The following IRAG1 variants were observed in gnomAD, a reference collection of about 807,000 sequenced individuals.
IRAG1 encodes the protein IP3R-associated cGMP kinase substrate.
IRAG1 carries 62 observed loss-of-function variants against 106.2 expected under a neutral mutation model. The ratio of observed to expected loss-of-function variants is 0.58; its 90% CI spans 0.48 to 0.72. IRAG1 has a LOEUF of 0.72. Ranked by LOEUF, IRAG1 falls within the 30% of genes least tolerant of loss-of-function variation. IRAG1 has a pLI of 0.00. For synonymous variants in IRAG1, 462 were observed against 443.9 expected, an observed-to-expected ratio of 1.04 and a Z score of -0.51; for missense variants, 1,064 against 1,140.7, an observed-to-expected ratio of 0.93 and a Z score of 0.97.
intron 18 of IRAG1, chr11:10,585,896 G>A (rs1004998069): frequency 2.6e-5 from 4 of 152,038 alleles, no homozygotes; most frequent in African/African-American, 9.7e-5. Flanking sequence ...AGCCCTCCAT[G>A]AACCCCCGCT....
intron 2 of IRAG1, among the ~76,000 whole-genome samples, chr11:10,650,204 T>C (rs1564928338): frequency 6.6e-6 from 1 of 152,214 alleles, no homozygotes; most frequent in Non-Finnish European, 1.5e-5. Flanking sequence ...CTTGGCAGTC[T>C]TGTGGGTGGG....
intron 10 of IRAG1, among the ~76,000 whole-genome samples, chr11:10,611,929 A>G (rs1255221572): frequency 1.4e-5 from 2 of 143,216 alleles, no homozygotes; most frequent in South Asian, 2.2e-4. Context: ...GCTGCCTGCC[A>G]TTTTGCTTTT....
At chr11:10,623,954 T>C (rs555117673) in intron 9 of IRAG1, 98 bp from the exon 10 acceptor site, 1 of 1,172,878 alleles carries the variant, frequency 8.5e-7, no homozygotes, top group African/African-American at 1.5e-5. Context: ...CTATCTTAGG[T>C]GGGAAAGCGG....
chr11:10,608,701 T>C (rs569278977), intron 11 of IRAG1, among the ~76,000 whole-genome samples: 1 of 152,360 alleles, frequency 6.6e-6, no homozygotes, highest in South Asian at 2.1e-4. Flanking sequence ...ATTTATCTTT[T>C]TATTGAGTGT....
chr11:10,599,413 C>A (rs973362308), intron 15 of IRAG1, among the ~76,000 whole-genome samples: 3 of 152,126 alleles, frequency 2.0e-5, no homozygotes, highest in African/African-American at 7.2e-5. Flanking sequence ...TGCAGGAGTC[C>A]ACGCATTAGG....
intron 1 of IRAG1, among the ~76,000 whole-genome samples, chr11:10,680,376 G>GGAA (rs1861098930): frequency 2.0e-5 from 1 of 51,222 alleles, no homozygotes; most frequent in Non-Finnish European, 3.5e-5. Flanking sequence ...AAAGAAGGAA[G>GGAA]GAAGGAAGGA....
At chr11:10,653,766 C>A in intron 1 of IRAG1, among the ~76,000 whole-genome samples, 1 of 152,194 alleles carries the variant, frequency 6.6e-6, no homozygotes, top group East Asian at 1.9e-4. Context: ...GCACGGGGGT[C>A]TGCAGCCCAG....
chr11:10,681,314 G>A (rs920317990), intron 1 of IRAG1, among the ~76,000 whole-genome samples: 13 of 152,178 alleles, frequency 8.5e-5, no homozygotes, highest in African/African-American at 2.2e-4. Context: ...AATGTCTAAC[G>A]CATGAGTCAA....
Position 10,693,394 on chromosome 11 carries a change from A to AT in IRAG1, c.67+141dup. On this transcript the variant is annotated intron_variant, in intron 1 of 20. Coordinates refer to ENST00000423302, the MANE Select transcript of IRAG1 (RefSeq NM_130385.4). ...GCAACAATAAAGATACTCAGCTGAAATGCCACCCAACAAAGCCAGCTCCCC... is the reference window on the plus strand; with the variant it reads ...GCAACAATAAAGATACTCAGCTGAAATTGCCACCCAACAAAGCCAGCTCCCC... 3.5e-6 allele frequency: 5 copies of AT among 1,421,386 alleles called. No individual in the cohort carries two copies. In the South Asian group the frequency reaches 7.5e-5, roughly 21 times the overall value. The allele number at this position is 1,421,386 out of a possible 1,614,324, so 88.0% of individuals were successfully genotyped here.
intron 20 of IRAG1, among the ~76,000 whole-genome samples, chr11:10,579,792 C>A (rs564184321): frequency 2.6e-5 from 4 of 152,294 alleles, no homozygotes; most frequent in African/African-American, 9.6e-5. Context: ...AGGCAGGAAC[C>A]ACAAGTGGGA....
chr11:10,687,684 T>C (rs1861762336), intron 1 of IRAG1: 1 of 1,287,054 alleles, frequency 7.8e-7, no homozygotes, highest in South Asian at 1.2e-5. Context: ...AGTCCACCAC[T>C]CTCCTTGCGG....
At chr11:10,648,489 C>T (rs758862267) in intron 2 of IRAG1, among the ~76,000 whole-genome samples, 1 of 152,178 alleles carries the variant, frequency 6.6e-6, no homozygotes, top group African/African-American at 2.4e-5. Context: ...GTGGGGCTCA[C>T]GTTATAGAGA....
intron 19 of IRAG1, among the ~76,000 whole-genome samples, chr11:10,580,917 C>T (rs1851323486): frequency 6.6e-6 from 1 of 152,206 alleles, no homozygotes; most frequent in Admixed American, 6.5e-5. Flanking sequence ...CTCCATGTGA[C>T]CGTGGAGCTT....
At chr11:10,604,628 G>T in intron 12 of IRAG1, 83 bp from the exon 13 acceptor site, 2 of 1,523,584 alleles carry the variant, frequency 1.3e-6, no homozygotes, top group South Asian at 2.3e-5. Flanking sequence ...TTGCACGAGC[G>T]TTTTGCAACG....
At chr11:10,648,772 C>T (rs745328523) in intron 2 of IRAG1, among the ~76,000 whole-genome samples, 14 of 152,050 alleles carry the variant, frequency 9.2e-5, no homozygotes, top group Admixed American at 2.0e-4. Context: ...CTGAAGAGTA[C>T]GTCTGTCTGT....
rs754791721 is a variant in IRAG1 at position 10,603,260 on chromosome 11, G to GA, written c.1744-10dup. On this transcript the variant is annotated splice_polypyrimidine_tract_variant and intron_variant, in intron 13 of 20. Transcript: ENST00000423302. ...CAGAGTGAAGCTGAGGACTGAACAGGAGTAGGAGCATCACCTGGGGTCCTC... is the reference window on the plus strand; with the variant it reads ...CAGAGTGAAGCTGAGGACTGAACAGGAAGTAGGAGCATCACCTGGGGTCCTC... 4 of 1,613,354 alleles carry GA rather than the reference G, an allele frequency of 2.5e-6. No homozygotes were observed. Among genetic ancestry groups the GA allele is most frequent in the Non-Finnish European group, 3.4e-6 (4 of 1,179,728 alleles).
Position 10,647,893 on chromosome 11 carries a change from A to C in IRAG1, c.225+4132T>G, listed in dbSNP as rs1408642116. Among the ~76,000 whole-genome samples, 1 of 152,186 alleles carries C rather than the reference A, an allele frequency of 6.6e-6. No individual in the cohort carries two copies. The highest frequency in any genetic ancestry group is 1.5e-5 in the Non-Finnish European group (1 of 68,044). ...AACTAGAGAAAAAGAGACTCTGAGA[A>C]GACTCAGAACTGCCTTTCTGCATCT... On this transcript the variant is annotated intron_variant, in intron 2 of 20. Coordinates refer to ENST00000423302, the MANE Select transcript of IRAG1 (RefSeq NM_130385.4). This position sits in a 1 kb window ranked among gnomAD's most constrained non-coding sequence, Gnocchi z 4.3.
chr11:10,585,457 C>G (rs1016225062), intron 18 of IRAG1, among the ~76,000 whole-genome samples: 1 of 151,468 alleles, frequency 6.6e-6, no homozygotes, highest in African/African-American at 2.4e-5. Flanking sequence ...ATGAGGAAAC[C>G]AAGGCTCAAA....
chr11:10,591,583 T>C lies in IRAG1; in HGVS notation c.2205A>G (p.Leu735=), dbSNP rs1312054110. The change falls in exon 18 of 21, where the codon CTA becomes CTG. Residue 735 remains leucine, a synonymous_variant. Coordinates refer to ENST00000423302, the MANE Select transcript of IRAG1 (RefSeq NM_130385.4). The part of the protein sequence containing the change: ...LSESPNGKGS[L]PVTSALPALL... ...GTGCAGGCAGTGCTGAAGTGACAGG[T>C]AGGCTGCCTTTCCCATTGGGTGATT... 2 of 1,597,862 alleles carry C rather than the reference T, an allele frequency of 1.3e-6. No homozygotes were observed. The highest frequency in any genetic ancestry group is 2.3e-5 in the South Asian group (2 of 87,756).
Sources: gnomAD v4.1 joint callset for allele counts (sites outside exome capture counted in the v4.1 genomes callset) on GRCh38, gnomAD v4.1.1 for gene constraint, Gnocchi (gnomAD v3.1) non-coding constraint, MANE v1.5 for transcripts, NCBI Gene and HGNC (gene_info 2026-07-23, HGNC 2026-07-21) for gene names.